Variants in SHC3 observed in about 807,000 individuals in gnomAD.
SHC3 encodes SHC adaptor protein 3, also known as SHC-transforming protein 3.
SHC3 carries 15 observed loss-of-function variants against 60.4 expected under a neutral mutation model. The observed-to-expected ratio is 0.25, with a 90% CI of 0.17 to 0.38. SHC3 has a LOEUF of 0.38. Ranked by LOEUF, SHC3 falls within the 10% of genes least tolerant of loss-of-function variation. The pLI, the probability that SHC3 is intolerant of heterozygous loss-of-function variation, is 1.00. For synonymous variants in SHC3, 294 were observed against 325.9 expected, an observed-to-expected ratio of 0.90 and a Z score of 1.05; for missense variants, 677 against 786.1, an observed-to-expected ratio of 0.86 and a Z score of 1.66.
chr9:89,074,368 C>T (rs1031246340), intron 4 of SHC3, among the ~76,000 whole-genome samples: 2 of 152,110 alleles, frequency 1.3e-5, no homozygotes, highest in African/African-American at 4.8e-5. Context: ...TCCACACCCC[C>T]CTGGATACTG....
intron 2 of SHC3, among the ~76,000 whole-genome samples, chr9:89,086,690 G>A (rs1425898161): frequency 1.3e-5 from 2 of 152,180 alleles, no homozygotes; most frequent in Non-Finnish European, 2.9e-5. Flanking sequence ...GGGGCTGGAA[G>A]TCCCAACCTC....
At chr9:89,016,802 A>T (rs565473437) in intron 11 of SHC3, among the ~76,000 whole-genome samples, 112 of 152,354 alleles carry the variant, frequency 7.4e-4, no homozygotes, top group African/African-American at 2.5e-3. Context: ...AATGTATAAA[A>T]AGAATTATAC....
intron 6 of SHC3, among the ~76,000 whole-genome samples, chr9:89,063,516 A>T (rs1203725470): frequency 6.6e-6 from 1 of 152,150 alleles, no homozygotes. Context: ...GTCTCATGGA[A>T]CCTAGAGCTG....
At chr9:89,072,630 C>T (rs1825292451) in intron 4 of SHC3, among the ~76,000 whole-genome samples, 1 of 152,152 alleles carries the variant, frequency 6.6e-6, no homozygotes, top group South Asian at 2.1e-4. Context: ...TTAGAAGCTG[C>T]CCTAAATTTA....
chr9:89,087,471 G>A (rs1003840546), intron 2 of SHC3, among the ~76,000 whole-genome samples: 2 of 152,086 alleles, frequency 1.3e-5, no homozygotes, highest in Non-Finnish European at 2.9e-5. Context: ...CCTGCTCTTG[G>A]GGTGCCTGCA....
At chr9:89,097,262 C>G (rs1336781786) in intron 2 of SHC3, among the ~76,000 whole-genome samples, 2 of 152,066 alleles carry the variant, frequency 1.3e-5, no homozygotes, top group Non-Finnish European at 2.9e-5. Context: ...TACACATTGG[C>G]CAATTTAATT....
Position 89,006,271 on chromosome 9 carries a change from C to G in SHC3, c.*7176G>C, listed in dbSNP as rs925770973. The G allele has an allele frequency of 1.3e-5, 2 of 152,194 alleles. No individual in the cohort carries two copies. Among genetic ancestry groups the G allele is most frequent in the African/African-American group, 4.8e-5 (2 of 41,440 alleles). 9.4% of individuals were successfully genotyped at this position (152,194 alleles called of 1,614,324 possible). A position where few individuals can be genotyped will look rare whatever the true frequency, so the allele number is the denominator to read the frequency against. ...GCTTGGAAACCACACCATTTCCTGA[C>G]AGAGTGAAGGAATCCCTGTGGATTT... On this transcript the variant is annotated 3_prime_UTR_variant, in exon 12 of 12. Transcript: ENST00000375835.
At chr9:89,049,509 T>A (rs1051217355) in intron 7 of SHC3, among the ~76,000 whole-genome samples, 5 of 152,248 alleles carry the variant, frequency 3.3e-5, no homozygotes, top group Admixed American at 1.3e-4. Flanking sequence ...TAATAGCATT[T>A]ATTTGGCTTT....
chr9:89,059,838 T>C (rs1484129459), intron 6 of SHC3, among the ~76,000 whole-genome samples: 2 of 61,242 alleles, frequency 3.3e-5, no homozygotes, highest in Non-Finnish European at 6.2e-5. Context: ...GGATGTCATA[T>C]AGGATGTGGT....
At chr9:89,061,474 C>T (rs1825089351) in intron 6 of SHC3, among the ~76,000 whole-genome samples, 1 of 152,202 alleles carries the variant, frequency 6.6e-6, no homozygotes, top group Non-Finnish European at 1.5e-5. Context: ...ATGTGGGCTT[C>T]CCACTCAAGC....
At chr9:89,063,050 G>A (rs536680471) in intron 6 of SHC3, among the ~76,000 whole-genome samples, 1 of 152,338 alleles carries the variant, frequency 6.6e-6, no homozygotes, top group South Asian at 2.1e-4. Context: ...AGGGTTGAGG[G>A]GTAAAGATGG....
chr9:89,037,666 T>A, intron 11 of SHC3: 2 of 629,126 alleles, frequency 3.2e-6, no homozygotes, highest in Non-Finnish European at 5.7e-6. Context: ...TAGGAGCCTG[T>A]ACTTCCTTGT....
intron 2 of SHC3, among the ~76,000 whole-genome samples, chr9:89,104,245 A>G (rs1003058031): frequency 2.6e-5 from 4 of 152,188 alleles, no homozygotes; most frequent in Admixed American, 6.5e-5. Context: ...TCCAAAGTTA[A>G]AAATAGAACT....
intron 5 of SHC3, among the ~76,000 whole-genome samples, chr9:89,066,555 G>C (rs930989498): frequency 6.6e-6 from 1 of 152,240 alleles, no homozygotes; most frequent in South Asian, 2.1e-4. Flanking sequence ...CAAATAAGCA[G>C]AGAAACCAAT....
chr9:89,045,082 C>T (rs1824750028), intron 9 of SHC3, among the ~76,000 whole-genome samples: 1 of 152,046 alleles, frequency 6.6e-6, no homozygotes, highest in Non-Finnish European at 1.5e-5. Flanking sequence ...GTTGCCTCAC[C>T]AGTTCCCATA....
chr9:89,045,669 T>C, intron 9 of SHC3, 77 bp downstream of exon 9: 1 of 1,338,966 alleles, frequency 7.5e-7, no homozygotes, highest in Non-Finnish European at 1.1e-6. Context: ...CCACAGAAAA[T>C]AGGCGACCCA....
chr9:89,070,488 C>T (rs1825253527), intron 5 of SHC3, among the ~76,000 whole-genome samples: 2 of 152,114 alleles, frequency 1.3e-5, no homozygotes, highest in South Asian at 2.1e-4. Flanking sequence ...GTCCCGGGAG[C>T]GGGAGGTGGT....
At chr9:89,175,363 A>C (rs1439579939) in intron 1 of SHC3, among the ~76,000 whole-genome samples, 1 of 152,230 alleles carries the variant, frequency 6.6e-6, no homozygotes, top group East Asian at 1.9e-4. Context: ...TTTGAATTCT[A>C]CTGTTGCTCA....
intron 8 of SHC3, 60 bp from the exon 9 acceptor site, chr9:89,045,893 T>A: frequency 3.9e-6 from 6 of 1,554,418 alleles, no homozygotes; most frequent in Non-Finnish European, 4.4e-6. Flanking sequence ...TTCACCACTT[T>A]TGAAAGCCAC....
Sources: allele counts gnomAD v4.1 joint callset (sites outside exome capture counted in the v4.1 genomes callset), GRCh38; gene constraint gnomAD v4.1.1; transcripts MANE v1.5; gene names NCBI Gene and HGNC (gene_info 2026-07-23, HGNC 2026-07-21).